The following P3H1 variants were observed in gnomAD, a reference collection of about 807,000 sequenced individuals.
The protein encoded by P3H1 is prolyl 3-hydroxylase 1.
In P3H1, 69 loss-of-function variants were observed where a neutral mutation model predicts 84.0. The ratio of observed to expected loss-of-function variants is 0.82; its 90% CI spans 0.68 to 1.00. The LOEUF (loss-of-function observed/expected upper bound fraction) is 1.00, where lower values mean the gene tolerates loss of function less well. Among genes scored for constraint, P3H1 ranks in the 50% least tolerant of loss-of-function variants. P3H1 has a pLI of 0.00. For missense variants in P3H1, 878 were observed against 962.8 expected, an observed-to-expected ratio of 0.91 and a Z score of 1.17; for synonymous variants, 366 against 388.8, an observed-to-expected ratio of 0.94 and a Z score of 0.69.
intron 7 of P3H1, 73 bp from the exon 8 acceptor site, chr1:42,755,063 AC>A: frequency 1.2e-6 from 2 of 1,613,808 alleles, no homozygotes; most frequent in Non-Finnish European, 1.7e-6. Context: ...CCCAAACTGG[AC>A]CTGCCCACCC....
intron 10 of P3H1, among the ~76,000 whole-genome samples, chr1:42,750,650 C>CGGG (rs1312359394): frequency 1.6e-4 from 7 of 44,424 alleles, no homozygotes; most frequent in African/African-American, 7.6e-4. Flanking sequence ...GGAGGGAGGC[C>CGGG]GGGGGGGGTG....
In P3H1 at chr1:42,746,596, G is replaced by T; in HGVS notation, c.*101C>A. ...GGGTCCCCTCGGCTGAGTGGCAGAT[G>T]TAGGCTCACTGCTCTGCAGCCCCGA... On this transcript the variant is annotated 3_prime_UTR_variant, in exon 15 of 15. Transcript: ENST00000296388. The T allele has an allele frequency of 2.1e-6, 2 of 954,860 alleles. No individual in the cohort carries two copies. The highest frequency in any genetic ancestry group is 3.3e-6 in the Non-Finnish European group (2 of 609,668). The allele number at this position is 954,860 out of a possible 1,614,324, so 59.1% of individuals were successfully genotyped here.
chr1:42,758,064 A>G, intron 4 of P3H1, 142 bp from the exon 5 acceptor site: 1 of 792,758 alleles, frequency 1.3e-6, no homozygotes, highest in Admixed American at 1.8e-5. Context: ...GCTACTTAAC[A>G]TGATGGCCTG....
intron 11 of P3H1, chr1:42,748,589 G>A (rs1651861643): frequency 4.2e-6 from 2 of 472,938 alleles, no homozygotes; most frequent in South Asian, 4.0e-5. Flanking sequence ...CACAACCCTG[G>A]TTTGTAGCTG....
chr1:42,758,278 T>C (rs1181581016), intron 4 of P3H1, among the ~76,000 whole-genome samples: 1 of 152,260 alleles, frequency 6.6e-6, no homozygotes, highest in Non-Finnish European at 1.5e-5. Context: ...TCAATTTCCC[T>C]GTCTTCCTAC....
chr1:42,750,295 C>T lies in P3H1; in HGVS notation c.1611G>A (p.Leu537=), dbSNP rs770581546. Residue 537 remains leucine, a synonymous_variant, in exon 11 of 15, where the codon CTG becomes CTA. Coordinates refer to ENST00000296388, the MANE Select transcript of P3H1 (RefSeq NM_022356.4). The part of the protein sequence containing the change: ...EGKVPLQSAH[L]YYNVTEKVRR... ...GCACCTTCTCCGTCACGTTGTAGTACAGGTGGGCACTCTGCAGAGGAACTT... is the reference window on the plus strand; with the variant it reads ...GCACCTTCTCCGTCACGTTGTAGTATAGGTGGGCACTCTGCAGAGGAACTT... 2 of 1,614,058 alleles carry T rather than the reference C, an allele frequency of 1.2e-6. No homozygotes were observed. Among genetic ancestry groups the T allele is most frequent in the Non-Finnish European group, 8.5e-7 (1 of 1,180,004 alleles).
chr1:42,755,761 A>C, intron 5 of P3H1, 124 bp from the exon 6 acceptor site: 4 of 723,496 alleles, frequency 5.5e-6, no homozygotes, highest in African/African-American at 1.8e-5. Flanking sequence ...CTCCCTACCA[A>C]TGCTCTCTGT....
At position 42,766,785 on chromosome 1, in the gene P3H1, G is replaced by A; in HGVS notation, c.187C>T (p.Arg63Cys). Reference protein sequence around the residue: ...GVVLSMERALRSRAALRALRL... With the variant: ...GVVLSMERALCSRAALRALRL... ...AGGGCGCGGAGGGCTGCCCGGGAGC[G>A]CAGCGCCCGTTCCATGCTCAGGACC... Residue 63 changes from arginine (R) to cysteine (C), a missense_variant, in exon 1 of 15, where the codon CGC (arginine) becomes TGC (cysteine). Transcript: ENST00000296388. 6.3e-7 allele frequency: 1 copy of A among 1,599,964 alleles called. No homozygotes were observed.
intron 2 of P3H1, chr1:42,760,392 G>A (rs1383867118): frequency 1.3e-5 from 2 of 152,144 alleles, no homozygotes. Context: ...GACAGCCCAG[G>A]CTGGAGGGCA....
intron 1 of P3H1, among the ~76,000 whole-genome samples, chr1:42,765,288 G>A (rs959707517): frequency 6.6e-6 from 1 of 152,148 alleles, no homozygotes; most frequent in African/African-American, 2.4e-5. Context: ...CTTAGGGCAG[G>A]CTTCAATATT....
chr1:42,753,321 G>A lies in P3H1; in HGVS notation c.1346-657C>T, dbSNP rs149585714. On this transcript the variant is annotated intron_variant, in intron 8 of 14. Transcript: ENST00000296388. ...AATGCTGGACAAATTCTTTTCATACGCTAATCTTGTTTAATTAACCACTGT... is the reference window on the plus strand; with the variant it reads ...AATGCTGGACAAATTCTTTTCATACACTAATCTTGTTTAATTAACCACTGT... Among the ~76,000 whole-genome samples the A allele has an allele frequency of 5.6e-3, 847 of 152,252 alleles. 6 individuals are homozygous for A. Among genetic ancestry groups the A allele is most frequent in the Non-Finnish European group, 8.4e-3 (568 of 68,016 alleles).
chr1:42,748,733 A>C, intron 11 of P3H1: 1 of 291,266 alleles, frequency 3.4e-6, no homozygotes, highest in Non-Finnish European at 6.8e-6. Context: ...TGGGGCAGAG[A>C]AGAGCTGGCT....
chr1:42,755,334 G>A (rs1436701451), intron 6 of P3H1, 117 bp from the exon 7 acceptor site: 5 of 1,111,408 alleles, frequency 4.5e-6, no homozygotes, highest in Admixed American at 1.9e-5. Flanking sequence ...CTTCCTTTCA[G>A]GAGACAAAAT....
In P3H1 at chr1:42,752,614, G is replaced by C. The variant is rs750941770; in HGVS notation, c.1396C>G (p.Leu466Val). 2 of 1,614,202 alleles carry C rather than the reference G, an allele frequency of 1.2e-6. No homozygotes were observed. The highest frequency in any genetic ancestry group is 1.7e-6 in the Non-Finnish European group (2 of 1,180,038). The stretch of plus-strand genomic sequence containing the variant: ...ATCACCACCCGCTGGGAACCATTCA[G>C]GAGTTTGGAGTTCATGGTGAGACTG... ...GISLTMNSKL[L>V]NGSQRVVMDG... Residue 466 changes from leucine to valine, a missense_variant, in exon 9 of 15, where the codon CTG (leucine) becomes GTG (valine). Leu to Val is a conservative substitution (Grantham distance 32). Coordinates refer to ENST00000296388, the MANE Select transcript of P3H1 (RefSeq NM_022356.4).
At chr1:42,747,239 C>T (rs1651769516) in intron 14 of P3H1, 33 bp downstream of exon 14, 1 of 1,614,172 alleles carries the variant, frequency 6.2e-7, no homozygotes, top group Non-Finnish European at 8.5e-7. Context: ...CACCACAGCA[C>T]CAGCTGCTCT....
At position 42,758,923 on chromosome 1, in the gene P3H1, G is replaced by C; in HGVS notation, c.869C>G (p.Pro290Arg). The change falls in exon 4 of 15, where the codon CCA becomes CGA. Residue 290 changes from proline (P) to arginine (R), a missense_variant. By Grantham distance (103) the Pro-to-Arg change is moderately radical (BLOSUM62 -2). Transcript: ENST00000296388. ...QNCVTELASH[P>R]SREKPFEDFL... Reference sequence around the variant, plus strand: ...GTCTTCAAAGGGCTTCTCTCGACTTGGGTGGGAAGCAAGCTCCGTGACACA... The same window carrying C: ...GTCTTCAAAGGGCTTCTCTCGACTTCGGTGGGAAGCAAGCTCCGTGACACA... 3 of 1,613,986 alleles carry C rather than the reference G, an allele frequency of 1.9e-6. No individual in the cohort carries two copies. Among genetic ancestry groups the C allele is most frequent in the Non-Finnish European group, 2.5e-6 (3 of 1,179,856 alleles).
intron 8 of P3H1, 39 bp from the exon 9 acceptor site, chr1:42,752,703 C>G: frequency 1.2e-6 from 2 of 1,613,248 alleles, no homozygotes; most frequent in Non-Finnish European, 1.7e-6. Flanking sequence ...AATCTAGCAG[C>G]AGCTAGACCA....
chr1:42,765,541 C>G (rs1351210560), intron 1 of P3H1, among the ~76,000 whole-genome samples: 1 of 151,888 alleles, frequency 6.6e-6, no homozygotes, highest in Admixed American at 6.6e-5. Flanking sequence ...GCGACATAAC[C>G]AAAGACATAA....
chr1:42,759,423 C>T, intron 2 of P3H1, 33 bp from the exon 3 acceptor site: 3 of 1,600,882 alleles, frequency 1.9e-6, no homozygotes, highest in Non-Finnish European at 1.7e-6. Context: ...AAATGCAGGC[C>T]ACAGAGGAGG....
Sources: gnomAD v4.1 joint callset for allele counts (sites outside exome capture counted in the v4.1 genomes callset) on GRCh38, gnomAD v4.1.1 for gene constraint, MANE v1.5 for transcripts, NCBI Gene and HGNC (gene_info 2026-07-23, HGNC 2026-07-21) for gene names.